Variants in MRRF observed in about 807,000 individuals in gnomAD.
MRRF encodes the protein mitochondrial ribosome recycling factor.
Under a neutral mutation model 25.1 loss-of-function variants are expected in MRRF, and 18 were observed. The observed-to-expected ratio is 0.72, with a 90% CI of 0.50 to 1.06. The LOEUF (loss-of-function observed/expected upper bound fraction) is 1.06, where lower values mean the gene tolerates loss of function less well. MRRF is among the 50% of genes least tolerant of loss of function. MRRF has a pLI of 0.00. For missense variants in MRRF, 323 were observed against 319.3 expected (o/e 1.01, Z -0.09); for synonymous variants, 113 against 112.1 (o/e 1.01, Z -0.05).
chr9:122,298,384 A>G (rs1390450797), intron 5 of MRRF, among the ~76,000 whole-genome samples: 4 of 152,172 alleles, frequency 2.6e-5, no homozygotes, highest in African/African-American at 4.8e-5. Flanking sequence ...TTTTTACTCA[A>G]CTTTATCAAG....
chr9:122,325,631 G>T lies in MRRF; in HGVS notation c.*3014G>T, dbSNP rs1020782540. The T allele has an allele frequency of 8.6e-4, 100 of 116,630 alleles. No individual in the cohort carries two copies. The highest frequency in any genetic ancestry group is 3.3e-3 in the African/African-American group (96 of 29,054). 7.2% of individuals were successfully genotyped at this position (116,630 alleles called of 1,614,324 possible). A position where few individuals can be genotyped will look rare whatever the true frequency, so the allele number is the denominator to read the frequency against. On this transcript the variant is annotated 3_prime_UTR_variant, in exon 7 of 7. Coordinates refer to ENST00000344641, the MANE Select transcript of MRRF (RefSeq NM_138777.5). ...GAATTTGAGAATTTTTTTCCTGTCT[G>T]GTGTGTGTGTGTGTGTGTGTGTGTG...
At position 122,323,848 on chromosome 9, in the gene MRRF, A is replaced by G. The variant is rs1003501578; in HGVS notation, c.*1231A>G. The G allele has an allele frequency of 3.3e-5, 5 of 152,236 alleles. No homozygotes were observed. The highest frequency in any genetic ancestry group is 1.2e-4 in the African/African-American group (5 of 41,454). The allele number at this position is 152,236 out of a possible 1,614,324, so 9.4% of individuals were successfully genotyped here. On this transcript the variant is annotated 3_prime_UTR_variant, in exon 7 of 7. Transcript: ENST00000344641. ...TGATCAGTGGTAGAAGGTTTTCATG[A>G]TTCATTGTCAGCGTCATTTACATAG...
chr9:122,295,722 A>G (rs1263350191), intron 5 of MRRF, among the ~76,000 whole-genome samples: 1 of 152,166 alleles, frequency 6.6e-6, no homozygotes, highest in Non-Finnish European at 1.5e-5. Flanking sequence ...CTGGGATTAC[A>G]GTTGTAAGCC....
rs192470316 is a variant in MRRF, at chr9:122,306,242, C to A, written c.552-6985C>A. On this transcript the variant is annotated intron_variant, in intron 5 of 6. Coordinates refer to ENST00000344641, the MANE Select transcript of MRRF (RefSeq NM_138777.5). ...TGTCTTCTCTCATTTGCTCATAACA[C>A]TGTGGAAAAATCCTGTATGGCCTCC... Among the ~76,000 whole-genome samples, 6 of 152,294 alleles carry A rather than the reference C, an allele frequency of 3.9e-5. No individual in the cohort carries two copies. In the East Asian group the frequency reaches 1.2e-3, roughly 29 times the overall value.
At chr9:122,304,620 C>T (rs1327556298) in intron 5 of MRRF, among the ~76,000 whole-genome samples, 1 of 152,174 alleles carries the variant, frequency 6.6e-6, no homozygotes, top group East Asian at 1.9e-4. Flanking sequence ...TTTATGGTAC[C>T]TACCGGTTGA....
intron 4 of MRRF, among the ~76,000 whole-genome samples, chr9:122,288,575 G>C (rs1415675492): frequency 6.6e-6 from 1 of 152,164 alleles, no homozygotes; most frequent in Non-Finnish European, 1.5e-5. Flanking sequence ...TTGAGTCCTT[G>C]CAAGTGATTA....
intron 2 of MRRF, among the ~76,000 whole-genome samples, chr9:122,278,218 A>T (rs1236432555): frequency 1.3e-5 from 2 of 151,742 alleles, no homozygotes; most frequent in African/African-American, 4.8e-5. Context: ...CCCTTAACTA[A>T]TTTTTTAACC....
At chr9:122,278,443 T>C (rs941253949) in intron 2 of MRRF, among the ~76,000 whole-genome samples, 1 of 152,192 alleles carries the variant, frequency 6.6e-6, no homozygotes, top group Non-Finnish European at 1.5e-5. Context: ...TCTTTTTTTT[T>C]ACTTTTCAGT....
chr9:122,282,873 G>C (rs961956680), intron 3 of MRRF, among the ~76,000 whole-genome samples: 1 of 152,114 alleles, frequency 6.6e-6, no homozygotes, highest in Non-Finnish European at 1.5e-5. Flanking sequence ...GGATTTATCT[G>C]AACAGAGAAG....
Position 122,327,888 on chromosome 9 carries a change from G to T in MRRF, c.*5271G>T. ...GTGTTTCTTTTTTTTTTTGGAATTG[G>T]GTTTTGTTCGATGAACCATTCTGAA... is the stretch of plus-strand genomic sequence containing the variant. On this transcript the variant is annotated 3_prime_UTR_variant, in exon 7 of 7. Transcript: ENST00000344641. 6.7e-6 allele frequency: 1 copy of T among 148,402 alleles called. No individual in the cohort carries two copies. The allele number at this position is 148,402 out of a possible 1,614,324, so 9.2% of individuals were successfully genotyped here.
chr9:122,266,843 G>A (rs1453944109), intron 1 of MRRF, among the ~76,000 whole-genome samples: 2 of 152,228 alleles, frequency 1.3e-5, no homozygotes, highest in East Asian at 3.8e-4. Flanking sequence ...GGAGGCCCAG[G>A]CGGGCGGATC....
intron 4 of MRRF, among the ~76,000 whole-genome samples, chr9:122,288,377 C>A (rs1049236612): frequency 1.3e-5 from 2 of 152,144 alleles, no homozygotes; most frequent in African/African-American, 2.4e-5. Flanking sequence ...ATGATCAGTA[C>A]AGGTACTCTG....
At chr9:122,304,551 G>A (rs536208342) in intron 5 of MRRF, among the ~76,000 whole-genome samples, 1 of 152,272 alleles carries the variant, frequency 6.6e-6, no homozygotes, top group South Asian at 2.1e-4. Context: ...CACCCAAAAG[G>A]ACAGGCTACT....
chr9:122,319,972 T>C (rs1401335404), intron 6 of MRRF, among the ~76,000 whole-genome samples: 1 of 150,248 alleles, frequency 6.7e-6, no homozygotes, highest in Non-Finnish European at 1.5e-5. Context: ...CCTCCTGGGC[T>C]CAAGCTATCC....
At chr9:122,281,471 A>G (rs1184904474) in intron 3 of MRRF, among the ~76,000 whole-genome samples, 1 of 152,232 alleles carries the variant, frequency 6.6e-6, no homozygotes, top group East Asian at 1.9e-4. Flanking sequence ...ACACTATCAG[A>G]AACATTACCG....
At chr9:122,286,130 C>G in intron 4 of MRRF, 2 of 1,263,872 alleles carry the variant, frequency 1.6e-6, no homozygotes, top group Non-Finnish European at 2.1e-6. Context: ...AGTTGCTTCA[C>G]TCTCTGGGCC....
In MRRF at chr9:122,330,436, T is replaced by C. The variant is rs1212937705; in HGVS notation, c.*7819T>C. The stretch of plus-strand genomic sequence containing the variant: ...GAGGGCAGGGCAAAAGTCCCTGCTA[T>C]TCTCTTCCTTTCCTGGCTCAGGCCT... On this transcript the variant is annotated 3_prime_UTR_variant, in exon 7 of 7. Transcript: ENST00000344641. The surrounding 1 kb of genome is among the most constrained non-coding windows in gnomAD (Gnocchi z 4.2). 2.6e-5 allele frequency: 4 copies of C among 152,272 alleles called. No individual in the cohort carries two copies. Among genetic ancestry groups the C allele is most frequent in the Admixed American group, 2.0e-4 (3 of 15,282 alleles). 9.4% of individuals were successfully genotyped at this position (152,272 alleles called of 1,614,324 possible). A position where few individuals can be genotyped will look rare whatever the true frequency, so the allele number is the denominator to read the frequency against.
intron 5 of MRRF, among the ~76,000 whole-genome samples, chr9:122,312,862 G>A (rs999882518): frequency 6.6e-6 from 1 of 152,162 alleles, no homozygotes; most frequent in African/African-American, 2.4e-5. Context: ...TCAGTCCCAA[G>A]CTTCATATTA....
At chr9:122,282,074 TTA>T (rs1201970806) in intron 3 of MRRF, among the ~76,000 whole-genome samples, 1 of 152,196 alleles carries the variant, frequency 6.6e-6, no homozygotes, top group Non-Finnish European at 1.5e-5. Context: ...CTCTTCAGGA[TTA>T]TGTTTGTTTA....
Sources: allele counts gnomAD v4.1 joint callset (sites outside exome capture counted in the v4.1 genomes callset), GRCh38; gene constraint gnomAD v4.1.1; non-coding constraint Gnocchi (gnomAD v3.1); transcripts MANE v1.5; gene names NCBI Gene and HGNC (gene_info 2026-07-23, HGNC 2026-07-21).